NAV2: variants seen among roughly 807,000 people sequenced by gnomAD.
NAV2 encodes the protein neuron navigator 2.
A neutral mutation model predicts 223.2 loss-of-function variants in NAV2; 54 were observed. The ratio of observed to expected loss-of-function variants is 0.24; its 90% CI spans 0.19 to 0.30. The LOEUF is 0.30. NAV2 is among the 10% of genes least tolerant of loss of function. The probability of loss-of-function intolerance (pLI) is 1.00; values close to 1 mark genes in which losing one functional copy is unlikely to be tolerated. For missense variants in NAV2, 2,806 were observed against 3,147.5 expected (o/e 0.89, Z 2.60); for synonymous variants, 1,279 against 1,239.3 (o/e 1.03, Z -0.67).
intron 1 of NAV2, among the ~76,000 whole-genome samples, chr11:19,491,323 T>C (rs950427913): frequency 2.0e-5 from 3 of 152,238 alleles, no homozygotes; most frequent in Admixed American, 1.3e-4. Context: ...CTTCTTCCAA[T>C]AGAATGCTGT....
chr11:19,680,260 C>G (rs148763853), intron 1 of NAV2, among the ~76,000 whole-genome samples: 125 of 152,302 alleles, frequency 8.2e-4, no homozygotes, highest in African/African-American at 3.0e-3. Flanking sequence ...CTTTTTGGCA[C>G]CGAATGCAGT....
chr11:20,103,209 G>T, intron 32 of NAV2, 46 bp from the exon 33 acceptor site: 1 of 1,577,310 alleles, frequency 6.3e-7, no homozygotes, highest in South Asian at 1.2e-5. Flanking sequence ...TCTTCACTGA[G>T]TGCATTCACC....
the NAV2 span, among the ~76,000 whole-genome samples, chr11:19,345,355 G>T: frequency 6.6e-6 from 1 of 152,236 alleles, no homozygotes; most frequent in Non-Finnish European, 1.5e-5. The surrounding 1 kb of genome is among the most constrained non-coding windows in gnomAD (Gnocchi z 5.2). Context: ...GGTCTGGCTG[G>T]ACTGCCCGGC....
At chr11:19,753,205 A>G (rs2053973688) in intron 1 of NAV2, among the ~76,000 whole-genome samples, 2 of 151,836 alleles carry the variant, frequency 1.3e-5, no homozygotes, top group African/African-American at 2.4e-5. Context: ...TGAGTAAGAC[A>G]CTCCCCACTT....
chr11:19,609,418 C>A (rs2046570142), intron 1 of NAV2, among the ~76,000 whole-genome samples: 1 of 152,080 alleles, frequency 6.6e-6, no homozygotes, highest in South Asian at 2.1e-4. Context: ...ACACAATGAA[C>A]ACCTTCTGCA....
At chr11:19,549,348 T>A (rs994039255) in intron 1 of NAV2, among the ~76,000 whole-genome samples, 6 of 152,084 alleles carry the variant, frequency 3.9e-5, no homozygotes, top group Admixed American at 3.3e-4. Flanking sequence ...CGAAGAGAGG[T>A]TGGCGTCCTA....
At chr11:19,953,885 TTCTC>T (rs1362614277) in intron 10 of NAV2, among the ~76,000 whole-genome samples, 16 of 146,360 alleles carry the variant, frequency 1.1e-4, no homozygotes, top group Non-Finnish European at 2.4e-4. Flanking sequence ...GTGTGTGTCT[TTCTC>T]CACTAAACTT....
intron 1 of NAV2, among the ~76,000 whole-genome samples, chr11:19,369,911 C>T (rs547596810): frequency 2.0e-5 from 3 of 152,280 alleles, no homozygotes; most frequent in Admixed American, 1.3e-4. Flanking sequence ...TCAAGTGGCT[C>T]TAAGACCTGG....
At chr11:20,052,592 G>A (rs764636345) in intron 17 of NAV2, among the ~76,000 whole-genome samples, 1 of 152,198 alleles carries the variant, frequency 6.6e-6, no homozygotes. Flanking sequence ...GTATACTTCT[G>A]TAGCAGATCT....
At chr11:20,087,710 C>T (rs946057705) in intron 26 of NAV2, among the ~76,000 whole-genome samples, 8 of 152,258 alleles carry the variant, frequency 5.3e-5, no homozygotes, top group South Asian at 2.1e-4. Context: ...ATGTATTGAG[C>T]GCCTAGTGGG....
At chr11:19,818,179 G>C (rs541118874) in intron 1 of NAV2, among the ~76,000 whole-genome samples, 9 of 150,794 alleles carry the variant, frequency 6.0e-5, no homozygotes, top group African/African-American at 2.2e-4. Flanking sequence ...GGGGTAAGGA[G>C]GGAAAATAAT....
rs149152708 is a variant in NAV2 at position 19,626,067 on chromosome 11, G to C, written c.76-206417G>C. On this transcript the variant is annotated intron_variant, in intron 1 of 37. Transcript: ENST00000360655. ...TCCCATATTTGTTTATTTTTGCTTT[G>C]GTTGCCTGTGCTTTTGAGGTCTTAT... Among the ~76,000 whole-genome samples, 63 of 151,948 alleles carry C rather than the reference G, an allele frequency of 4.1e-4. 1 individual carries two copies. Among genetic ancestry groups the C allele is most frequent in the African/African-American group, 1.4e-3 (60 of 41,464 alleles).
chr11:19,732,261 G>GA (rs59674883), intron 1 of NAV2, among the ~76,000 whole-genome samples: 31,033 of 135,278 alleles, frequency 0.23, 3,660 homozygotes, highest in African/African-American at 0.35. Context: ...TCCGTCTCAA[G>GA]AAAAAAAAAA....
At chr11:19,413,906 G>A (rs1850251929) in intron 1 of NAV2, among the ~76,000 whole-genome samples, 1 of 152,180 alleles carries the variant, frequency 6.6e-6, no homozygotes, top group Non-Finnish European at 1.5e-5. Flanking sequence ...TGCTTTATAA[G>A]ATTCTGAAGG....
intron 1 of NAV2, among the ~76,000 whole-genome samples, chr11:19,404,891 T>A (rs1214906133): frequency 6.6e-6 from 1 of 152,202 alleles, no homozygotes; most frequent in Non-Finnish European, 1.5e-5. Flanking sequence ...AGTGTTAATC[T>A]GGAAGGCCTG....
At chr11:19,738,606 G>A (rs2052535557) in intron 1 of NAV2, among the ~76,000 whole-genome samples, 1 of 152,238 alleles carries the variant, frequency 6.6e-6, no homozygotes, top group African/African-American at 2.4e-5. Context: ...GATCAAGTTG[G>A]TAGAGGGGGC....
At chr11:20,035,824 G>A in intron 11 of NAV2, 135 bp from the exon 12 acceptor site, 1 of 961,730 alleles carries the variant, frequency 1.0e-6, no homozygotes, top group East Asian at 2.6e-5. Context: ...TCACATCTGA[G>A]TCAAGAGAGC....
chr11:19,907,338 A>G (rs1197261329), intron 6 of NAV2, among the ~76,000 whole-genome samples: 2 of 152,140 alleles, frequency 1.3e-5, no homozygotes, highest in African/African-American at 4.8e-5. Flanking sequence ...CTCTCTGATA[A>G]ACCGTGATGA....
chr11:19,792,201 C>T (rs2057570345), intron 1 of NAV2, among the ~76,000 whole-genome samples: 1 of 152,210 alleles, frequency 6.6e-6, no homozygotes, highest in Non-Finnish European at 1.5e-5. Flanking sequence ...TACTTAGGTC[C>T]AGGTCCCAGG....
Sources: allele counts gnomAD v4.1 joint callset (sites outside exome capture counted in the v4.1 genomes callset), GRCh38; gene constraint gnomAD v4.1.1; non-coding constraint Gnocchi (gnomAD v3.1); transcripts MANE v1.5; gene names NCBI Gene and HGNC (gene_info 2026-07-23, HGNC 2026-07-21).